Variants in ZNF429 observed in about 807,000 individuals in gnomAD.
The protein encoded by ZNF429 is zinc finger protein 429.
Under a neutral mutation model 56.8 loss-of-function variants are expected in ZNF429, and 53 were observed. The ratio of observed to expected loss-of-function variants is 0.93; its 90% CI spans 0.75 to 1.17. The LOEUF (loss-of-function observed/expected upper bound fraction) is 1.17. Ranked by LOEUF, ZNF429 falls within the 50% of genes most tolerant of loss-of-function variation. The probability of loss-of-function intolerance (pLI) is 0.00; values close to 1 mark genes in which losing one functional copy is unlikely to be tolerated. For synonymous variants in ZNF429, 278 were observed against 264.7 expected (o/e 1.05, Z -0.49); for missense variants, 849 against 788.4 (o/e 1.08, Z -0.92).
intron 1 of ZNF429, among the ~76,000 whole-genome samples, chr19:21,528,209 G>T (rs1211987969): frequency 1.3e-5 from 2 of 152,118 alleles, no homozygotes; most frequent in Admixed American, 6.5e-5. Flanking sequence ...AAAGGTGGGG[G>T]TCCTCAGTAA....
At chr19:21,514,951 T>C (rs2032669638) in intron 1 of ZNF429, among the ~76,000 whole-genome samples, 1 of 151,632 alleles carries the variant, frequency 6.6e-6, no homozygotes, top group Admixed American at 6.6e-5. Flanking sequence ...TATTTCATTT[T>C]ATTTTTTGAG....
Position 21,505,740 on chromosome 19 carries a change from C to T in ZNF429, c.-32C>T. 6.2e-7 allele frequency: 1 copy of T among 1,608,550 alleles called. No homozygotes were observed. Among genetic ancestry groups the T allele is most frequent in the East Asian group, 2.2e-5 (1 of 44,668 alleles). On this transcript the variant is annotated 5_prime_UTR_variant, in exon 1 of 4. Coordinates refer to ENST00000358491, the MANE Select transcript of ZNF429 (RefSeq NM_001001415.4). Reference sequence around the variant, plus strand: ...CCCGCAGATATTGGGAGATACACAGCTAAGACTCCAGGACCCCCTGGAAGC... The same window carrying T: ...CCCGCAGATATTGGGAGATACACAGTTAAGACTCCAGGACCCCCTGGAAGC...
In ZNF429 at chr19:21,506,766, TG is replaced by T. The variant is rs138246624; in HGVS notation, c.3+993del. ...AAAAAAAGCATTTGAGTTAGTTTTT[TG>T]TTTTTTTTTTTTTTTTTTTGAGATG... On this transcript the variant is annotated intron_variant, in intron 1 of 3. Transcript: ENST00000358491. Among the ~76,000 whole-genome samples the T allele has an allele frequency of 1.4e-3, 194 of 140,746 alleles. 9 individuals are homozygous for T. Among genetic ancestry groups the T allele is most frequent in the African/African-American group, 4.2e-3 (152 of 35,964 alleles). 92.3% of individuals were successfully genotyped at this position (140,746 alleles called of 152,430 possible). A position where few individuals can be genotyped will look rare whatever the true frequency, so the allele number is the denominator to read the frequency against.
intron 1 of ZNF429, among the ~76,000 whole-genome samples, chr19:21,523,341 G>T (rs536895696): frequency 6.6e-6 from 1 of 152,188 alleles, no homozygotes; most frequent in East Asian, 1.9e-4. Flanking sequence ...AAGTTATTGC[G>T]GTTTTACCAT....
In ZNF429 at chr19:21,540,321, G is replaced by T. The variant is rs2033877462; in HGVS notation, c.*2243G>T. 6.6e-6 allele frequency among the ~76,000 whole-genome samples: 1 copy of T among 152,070 alleles called. No homozygotes were observed. The highest frequency in any genetic ancestry group is 2.4e-5 in the African/African-American group (1 of 41,424). On this transcript the variant is annotated 3_prime_UTR_variant, in exon 4 of 4. Transcript: ENST00000358491. ...GCATCTCTAGTAATCTCTTTTGCCA[G>T]TAGCTTTAACTGGCAGATAAGTTAA...
chr19:21,508,255 A>G (rs1447840460), intron 1 of ZNF429, among the ~76,000 whole-genome samples: 1 of 152,152 alleles, frequency 6.6e-6, no homozygotes, highest in African/African-American at 2.4e-5. Context: ...AAAAAAAAAA[A>G]AAGGTGATAT....
intron 1 of ZNF429, among the ~76,000 whole-genome samples, chr19:21,511,861 G>T (rs569166303): frequency 6.6e-6 from 1 of 152,154 alleles, no homozygotes; most frequent in Admixed American, 6.5e-5. Flanking sequence ...GATCACTCAC[G>T]GTTAGGAGCT....
At chr19:21,514,937 G>C (rs1381034172) in intron 1 of ZNF429, among the ~76,000 whole-genome samples, 3 of 148,926 alleles carry the variant, frequency 2.0e-5, no homozygotes, top group African/African-American at 7.4e-5. Flanking sequence ...ATTTTATTTT[G>C]TTTTATTTCA....
chr19:21,535,367 T>C lies in ZNF429; in HGVS notation c.227-913T>C. 3.0e-4 allele frequency among the ~76,000 whole-genome samples: 27 copies of C among 91,424 alleles called. 2 individuals carry two copies. Among genetic ancestry groups the C allele is most frequent in the African/African-American group, 1.1e-3 (25 of 22,120 alleles). 60.0% of individuals were successfully genotyped at this position (91,424 alleles called of 152,430 possible). On this transcript the variant is annotated intron_variant, in intron 3 of 3. Coordinates refer to ENST00000358491, the MANE Select transcript of ZNF429 (RefSeq NM_001001415.4). ...TCCTTTCCTTTCTTTTCTTCTTTCT[T>C]TCTTTCTTTCTTTTTTACTTTCTTT...
chr19:21,510,272 A>C (rs559862340), intron 1 of ZNF429, among the ~76,000 whole-genome samples: 2 of 152,266 alleles, frequency 1.3e-5, no homozygotes, highest in Admixed American at 1.3e-4. Flanking sequence ...TGAGGTCAGC[A>C]TGTTCTTAGA....
intron 3 of ZNF429, among the ~76,000 whole-genome samples, chr19:21,535,640 G>GT: frequency 6.6e-6 from 1 of 151,302 alleles, no homozygotes; most frequent in Non-Finnish European, 1.5e-5. Context: ...TCAGCCTTCT[G>GT]AGTAGCTGGG....
intron 3 of ZNF429, among the ~76,000 whole-genome samples, chr19:21,530,977 A>G: frequency 2.0e-5 from 3 of 151,726 alleles, no homozygotes; most frequent in Non-Finnish European, 4.4e-5. Context: ...ATGGTGTCAC[A>G]TGCCTGCAAT....
chr19:21,528,400 T>G (rs2562417), intron 1 of ZNF429, among the ~76,000 whole-genome samples: 1 of 152,068 alleles, frequency 6.6e-6, no homozygotes, highest in African/African-American at 2.4e-5. Context: ...CTTTAAATCA[T>G]TACTAAAAAT....
rs954047329 is a variant in ZNF429 at position 21,511,903 on chromosome 19, C to T, written c.3+6129C>T. ...CAGCCCGGCCAACACAGCGAAACCC[C>T]GTCTCCACCAAAAAAATACGAAAAC... On this transcript the variant is annotated intron_variant, in intron 1 of 3. Transcript: ENST00000358491. 2.6e-5 allele frequency among the ~76,000 whole-genome samples: 4 copies of T among 152,282 alleles called. No homozygotes were observed. The East Asian group carries it at 5.8e-4, about 22-fold the overall frequency.
chr19:21,510,627 G>C (rs1050169857), intron 1 of ZNF429, among the ~76,000 whole-genome samples: 1 of 151,588 alleles, frequency 6.6e-6, no homozygotes, highest in Non-Finnish European at 1.5e-5. Flanking sequence ...GTTTCTCACA[G>C]AGGGGGATTT....
chr19:21,521,785 A>G (rs1879235), intron 1 of ZNF429: 28,058 of 152,434 alleles, frequency 0.18, 2,625 homozygotes, highest in Middle Eastern at 0.23. Flanking sequence ...ATCCAGCAGT[A>G]TTTTTTAATG....
At position 21,538,166 on chromosome 19, in the gene ZNF429, C is replaced by T. The variant is rs1374436514; in HGVS notation, c.*88C>T. The stretch of plus-strand genomic sequence containing the variant: ...TGGTGGTGGGCACTTGTAGTCCCAC[C>T]TACTCGGGAGGCTGAGGCAGGAGAA... On this transcript the variant is annotated 3_prime_UTR_variant, in exon 4 of 4. Transcript: ENST00000358491. The T allele has an allele frequency of 1.2e-5, 7 of 579,654 alleles. No homozygotes were observed. Among genetic ancestry groups the T allele is most frequent in the African/African-American group, 7.8e-5 (4 of 51,558 alleles). The allele number at this position is 579,654 out of a possible 1,614,324, so 35.9% of individuals were successfully genotyped here.
In ZNF429 at chr19:21,535,445, TTTCTTTCTTTC is replaced by T; in HGVS notation, c.227-832_227-822del. Among the ~76,000 whole-genome samples, 3 of 87,922 alleles carry T rather than the reference TTTCTTTCTTTC, an allele frequency of 3.4e-5. 1 individual carries two copies. The highest frequency in any genetic ancestry group is 1.7e-4 in the African/African-American group (3 of 18,076). The allele number at this position is 87,922 out of a possible 152,430, so 57.7% of individuals were successfully genotyped here. ...CTTTCTTTCTTTCTTTCTTTCTTTCTTTCTTTCTTTCTTTCTTTCTTTCTTTCTTTCTTTCT... is the reference window on the plus strand; with the variant it reads ...CTTTCTTTCTTTCTTTCTTTCTTTCTTTTCTTTCTTTCTTTCTTTCTTTCT... On this transcript the variant is annotated intron_variant, in intron 3 of 3. Transcript: ENST00000358491.
At chr19:21,510,931 A>G (rs2032424513) in intron 1 of ZNF429, among the ~76,000 whole-genome samples, 1 of 152,098 alleles carries the variant, frequency 6.6e-6, no homozygotes, top group South Asian at 2.1e-4. Flanking sequence ...CCAAGGCAGA[A>G]GAATTTTTCT....
Sources: gnomAD v4.1 joint callset for allele counts (sites outside exome capture counted in the v4.1 genomes callset) on GRCh38, gnomAD v4.1.1 for gene constraint, MANE v1.5 for transcripts, NCBI Gene and HGNC (gene_info 2026-07-23, HGNC 2026-07-21) for gene names.